CDH11: variants seen among roughly 807,000 people sequenced by gnomAD.
CDH11 encodes cadherin 11.
In CDH11, 11 loss-of-function variants were observed where a neutral mutation model predicts 67.8. The ratio of observed to expected loss-of-function variants is 0.16; its 90% CI spans 0.10 to 0.27. CDH11 has a LOEUF of 0.27. Among genes scored for constraint, CDH11 ranks in the 10% least tolerant of loss-of-function variants. CDH11 has a pLI of 1.00. For missense variants in CDH11, 847 were observed against 1,031.2 expected, an observed-to-expected ratio of 0.82 and a Z score of 2.45; for synonymous variants, 419 against 400.0, an observed-to-expected ratio of 1.05 and a Z score of -0.57.
chr16:64,961,529 T>C lies in CDH11; in HGVS notation c.1642+10050A>G, dbSNP rs142457593. On this transcript the variant is annotated intron_variant, in intron 11 of 12. Transcript: ENST00000268603. The stretch of plus-strand genomic sequence containing the variant: ...TATGTCAGTGCCTTTATCTCTCAAA[T>C]TGGCAGCTCAATTCATATAGTGTAA... 5.4e-4 allele frequency among the ~76,000 whole-genome samples: 83 copies of C among 152,302 alleles called. 1 individual carries two copies. The East Asian group carries it at 0.013, about 23-fold the overall frequency.
chr16:65,109,508 C>G (rs1485076806), intron 1 of CDH11, among the ~76,000 whole-genome samples: 1 of 152,196 alleles, frequency 6.6e-6, no homozygotes, highest in Non-Finnish European at 1.5e-5. Flanking sequence ...TGGGCCAACA[C>G]AGAGGCTATA....
At chr16:65,076,710 G>C (rs866881911) in intron 1 of CDH11, among the ~76,000 whole-genome samples, 1 of 131,636 alleles carries the variant, frequency 7.6e-6, no homozygotes, top group Admixed American at 8.9e-5. Flanking sequence ...CCCAGTGTGT[G>C]ATGTTCCCCT....
intron 2 of CDH11, among the ~76,000 whole-genome samples, chr16:65,034,522 C>T (rs2073713826): frequency 6.6e-6 from 1 of 152,118 alleles, no homozygotes; most frequent in African/African-American, 2.4e-5. Flanking sequence ...AGGTTCAAAG[C>T]CGACCTCTGC....
chr16:64,962,660 T>C (rs2071704383), intron 11 of CDH11, among the ~76,000 whole-genome samples: 1 of 152,100 alleles, frequency 6.6e-6, no homozygotes, highest in Non-Finnish European at 1.5e-5. Context: ...TAGAGAAAAA[T>C]TCCCTCATGC....
intron 1 of CDH11, among the ~76,000 whole-genome samples, chr16:65,080,494 CACAATA>C (rs533289450): frequency 8.5e-4 from 129 of 152,310 alleles, no homozygotes; most frequent in Non-Finnish European, 1.6e-3. Context: ...CCCATCCCAT[CACAATA>C]ACAATAACAA....
chr16:65,036,843 T>G (rs1334516936), intron 2 of CDH11, among the ~76,000 whole-genome samples: 1 of 152,180 alleles, frequency 6.6e-6, no homozygotes, highest in East Asian at 1.9e-4. Flanking sequence ...CCATACTGTT[T>G]GCAAACATCT....
At chr16:65,040,009 T>C (rs2073834794) in intron 2 of CDH11, among the ~76,000 whole-genome samples, 1 of 152,174 alleles carries the variant, frequency 6.6e-6, no homozygotes, top group Non-Finnish European at 1.5e-5. Flanking sequence ...CACAATGAGA[T>C]ACCATCTCAT....
Position 64,971,653 on chromosome 16 carries a change from T to C in CDH11, c.1568A>G (p.Asn523Ser). The part of the protein sequence containing the change: ...ISADDKDDTA[N>S]GPRFIFSLPP... ...TAGGCTGAAGATAAATCTTGGTCCA[T>C]TGGCCGTGTCATCCTTGTCATCTGC... The change falls in exon 11 of 13, where the codon AAT (asparagine) becomes AGT (serine). Residue 523 changes from asparagine (N) to serine (S), a missense_variant. This residue lies in a region of CDH11 where 612 missense variants were observed against 678.7 expected (regional missense o/e 0.90). Coordinates refer to ENST00000268603, the MANE Select transcript of CDH11 (RefSeq NM_001797.4). 1.2e-6 allele frequency: 2 copies of C among 1,613,638 alleles called. No individual in the cohort carries two copies. The highest frequency in any genetic ancestry group is 1.7e-5 in the Admixed American group (1 of 59,934).
intron 6 of CDH11, among the ~76,000 whole-genome samples, chr16:64,990,234 T>A (rs1229041138): frequency 6.6e-6 from 1 of 152,128 alleles, no homozygotes; most frequent in Non-Finnish European, 1.5e-5. Context: ...CACCAGACAA[T>A]CGTACAGTGT....
chr16:65,034,395 G>T (rs1271745573), intron 2 of CDH11, among the ~76,000 whole-genome samples: 3 of 152,160 alleles, frequency 2.0e-5, no homozygotes. Flanking sequence ...AACTAATACG[G>T]ATAGAGTGGA....
At chr16:65,005,378 T>G (rs755274464) in intron 2 of CDH11, among the ~76,000 whole-genome samples, 2 of 152,072 alleles carry the variant, frequency 1.3e-5, no homozygotes, top group Non-Finnish European at 2.9e-5. Flanking sequence ...ATTAAAGGAG[T>G]CCAGATGAGG....
intron 2 of CDH11, among the ~76,000 whole-genome samples, chr16:65,051,963 T>A (rs2074063665): frequency 6.6e-6 from 1 of 152,208 alleles, no homozygotes; most frequent in Non-Finnish European, 1.5e-5. Context: ...TTGAGTTTTC[T>A]CATTTATAAA....
At chr16:65,068,466 G>C (rs2074358890) in intron 1 of CDH11, among the ~76,000 whole-genome samples, 1 of 148,440 alleles carries the variant, frequency 6.7e-6, no homozygotes, top group South Asian at 2.1e-4. Flanking sequence ...GACATGATTG[G>C]ATCTATGAGA....
chr16:64,992,796 G>A, intron 5 of CDH11, 119 bp downstream of exon 5: 2 of 897,700 alleles, frequency 2.2e-6, no homozygotes, highest in East Asian at 5.2e-5. Flanking sequence ...TAACCCTATA[G>A]GGTAGCCCTC....
rs553752594 is a variant in CDH11 at position 65,112,088 on chromosome 16, AG to A, written c.-298+9791del. Among the ~76,000 whole-genome samples, 52 of 150,634 alleles carry A rather than the reference AG, an allele frequency of 3.5e-4. 2 individuals are homozygous for A. Among genetic ancestry groups the A allele is most frequent in the South Asian group, 1.3e-3 (6 of 4,766 alleles). On this transcript the variant is annotated intron_variant, in intron 1 of 12. Coordinates refer to ENST00000268603, the MANE Select transcript of CDH11 (RefSeq NM_001797.4). ...CTGTCTCAAAAAAAAAAAAAAAAAAAGAATAAGTGCAATGTGGAGGAAGAAT... is the reference window on the plus strand; with the variant it reads ...CTGTCTCAAAAAAAAAAAAAAAAAAAAATAAGTGCAATGTGGAGGAAGAAT...
chr16:64,961,050 A>G (rs1210754925), intron 11 of CDH11, among the ~76,000 whole-genome samples: 2 of 152,146 alleles, frequency 1.3e-5, no homozygotes, highest in South Asian at 4.1e-4. Context: ...TCAGATTTAT[A>G]TTCACTGTGA....
chr16:64,945,921 T>C lies in CDH11; in HGVS notation c.*1682A>G, dbSNP rs1013830006. 9 of 1,058,302 alleles carry C rather than the reference T, an allele frequency of 8.5e-6. No homozygotes were observed. The highest frequency in any genetic ancestry group is 1.0e-5 in the Non-Finnish European group (9 of 875,016). The allele number at this position is 1,058,302 out of a possible 1,614,324, so 65.6% of individuals were successfully genotyped here. On this transcript the variant is annotated 3_prime_UTR_variant, in exon 13 of 13. Transcript: ENST00000268603. ...GTGTAGGGGGAAAGAGGGAAAGCAC[T>C]TGCAGTGTGACTTTATGTGGTCTTT... is the stretch of plus-strand genomic sequence containing the variant.
At chr16:65,090,609 C>T (rs931340615) in intron 1 of CDH11, among the ~76,000 whole-genome samples, 4 of 152,118 alleles carry the variant, frequency 2.6e-5, no homozygotes, top group Non-Finnish European at 4.4e-5. Flanking sequence ...TCTTCCCTCC[C>T]GCCAGCCATT....
rs183749636 is a variant in CDH11, at chr16:65,094,440, C to T, written c.-298+27440G>A. On this transcript the variant is annotated intron_variant, in intron 1 of 12. Coordinates refer to ENST00000268603, the MANE Select transcript of CDH11 (RefSeq NM_001797.4). ...AAACAGAAAACTACACACACACACA[C>T]ATACACACACACACACACAGTAGAT... Among the ~76,000 whole-genome samples the T allele has an allele frequency of 3.9e-3, 585 of 150,912 alleles. 5 individuals are homozygous for T. Among genetic ancestry groups the T allele is most frequent in the African/African-American group, 0.014 (563 of 40,780 alleles).
Sources: gnomAD v4.1 joint callset for allele counts (sites outside exome capture counted in the v4.1 genomes callset) on GRCh38, gnomAD v4.1.1 for gene constraint, gnomAD v4.1.1 regional missense constraint, MANE v1.5 for transcripts, NCBI Gene and HGNC (gene_info 2026-07-23, HGNC 2026-07-21) for gene names.